The following SGMS1 variants were observed in gnomAD, a reference collection of about 807,000 sequenced individuals.
SGMS1 encodes the protein sphingomyelin synthase 1.
Under a neutral mutation model 46.2 loss-of-function variants are expected in SGMS1, and 13 were observed. That is an observed-to-expected ratio of 0.28 (90% confidence interval 0.18 to 0.45). The LOEUF (loss-of-function observed/expected upper bound fraction) is 0.45, where lower values mean the gene tolerates loss of function less well. Among genes scored for constraint, SGMS1 ranks in the 20% least tolerant of loss-of-function variants. The pLI is 1.00. For missense variants in SGMS1, 324 were observed against 519.9 expected (o/e 0.62, Z 3.66); for synonymous variants, 203 against 187.8 (o/e 1.08, Z -0.66).
At chr10:50,455,861 C>A (rs532408412) in intron 5 of SGMS1, among the ~76,000 whole-genome samples, 37 of 152,296 alleles carry the variant, frequency 2.4e-4, no homozygotes, top group African/African-American at 8.4e-4. Context: ...ATACCTTCCA[C>A]CACTCACTGC....
At chr10:50,571,763 A>G (rs1259303403) in intron 2 of SGMS1, among the ~76,000 whole-genome samples, 1 of 152,092 alleles carries the variant, frequency 6.6e-6, no homozygotes, top group Non-Finnish European at 1.5e-5. Context: ...GAATGTGTAA[A>G]TACACACATA....
At chr10:50,482,632 A>G (rs912660624) in intron 3 of SGMS1, among the ~76,000 whole-genome samples, 1 of 152,216 alleles carries the variant, frequency 6.6e-6, no homozygotes, top group East Asian at 1.9e-4. Flanking sequence ...AAGCAACTAC[A>G]TTAACAAGTC....
At chr10:50,580,112 C>A (rs1018847752) in intron 2 of SGMS1, among the ~76,000 whole-genome samples, 2 of 152,016 alleles carry the variant, frequency 1.3e-5, no homozygotes, top group Non-Finnish European at 2.9e-5. Context: ...TTAAAGTAAT[C>A]AAACTATACT....
At chr10:50,624,387 A>G (rs1268038109), upstream of SGMS1, among the ~76,000 whole-genome samples, 1 of 152,158 alleles carries the variant, frequency 6.6e-6, no homozygotes, top group Non-Finnish European at 1.5e-5. Context: ...AAGGGCTGCG[A>G]CACTTGGGAT....
At position 50,377,326 on chromosome 10, in the gene SGMS1, C is replaced by T. The variant is rs1848535305; in HGVS notation, c.-231-32981G>A. 3.9e-5 allele frequency among the ~76,000 whole-genome samples: 6 copies of T among 152,116 alleles called. No individual in the cohort carries two copies. The South Asian group carries it at 8.3e-4, about 21-fold the overall frequency. On this transcript the variant is annotated intron_variant, in intron 6 of 10. Coordinates refer to ENST00000361781, the MANE Select transcript of SGMS1 (RefSeq NM_147156.4). ...ACCCACTCCCATGATAACCCATTCA[C>T]CCATTAATCTATTAATTAATGAATG...
intron 1 of SGMS1, among the ~76,000 whole-genome samples, chr10:50,608,360 G>A (rs1482330824): frequency 6.6e-6 from 1 of 152,108 alleles, no homozygotes; most frequent in Non-Finnish European, 1.5e-5. Context: ...GAAGGAAAAG[G>A]GTAAGAGAAG....
chr10:50,534,521 G>A (rs1287853907), intron 2 of SGMS1, among the ~76,000 whole-genome samples: 1 of 152,160 alleles, frequency 6.6e-6, no homozygotes, highest in African/African-American at 2.4e-5. Flanking sequence ...TGCCCATGCT[G>A]TTTGACACAG....
chr10:50,308,139 C>A lies in SGMS1; in HGVS notation c.905G>T (p.Arg302Leu), dbSNP rs147939399. ...TYLFIKEYSP[R>L]RLWWYHWICW... ...AATCCAGTGATACCACCAGAGTCGC[C>A]GAGGGGAATCTGAAAGGGGGAGAGA... is the stretch of plus-strand genomic sequence containing the variant. The change falls in exon 10 of 11, where the codon CGG (arginine) becomes CTG (leucine). Residue 302 changes from arginine to leucine, a missense_variant. Transcript: ENST00000361781. 2.4e-5 allele frequency: 38 copies of A among 1,612,722 alleles called. No individual in the cohort carries two copies. The highest frequency in any genetic ancestry group is 3.1e-5 in the Non-Finnish European group (37 of 1,179,456).
intron 6 of SGMS1, among the ~76,000 whole-genome samples, chr10:50,422,640 T>C (rs1490778041): frequency 6.6e-6 from 1 of 152,186 alleles, no homozygotes; most frequent in East Asian, 1.9e-4. Flanking sequence ...AAAGTACCAA[T>C]TCCTCCTTAA....
chr10:50,570,422 A>G (rs992487504), intron 2 of SGMS1, among the ~76,000 whole-genome samples: 1 of 152,232 alleles, frequency 6.6e-6, no homozygotes, highest in Non-Finnish European at 1.5e-5. Flanking sequence ...ATTTTAAAAA[A>G]TAATCTTGAG....
chr10:50,624,805 C>T, upstream of SGMS1: 2 of 986,534 alleles, frequency 2.0e-6, no homozygotes, highest in Middle Eastern at 5.2e-4. Context: ...TGCCCGCCGT[C>T]CCTGGCCGGC....
At chr10:50,357,352 T>G (rs1589404372) in intron 6 of SGMS1, among the ~76,000 whole-genome samples, 1 of 152,170 alleles carries the variant, frequency 6.6e-6, no homozygotes, top group East Asian at 1.9e-4. Flanking sequence ...AATTAGTAAA[T>G]AAATCATTTA....
At chr10:50,514,469 C>T (rs1374308258) in intron 3 of SGMS1, among the ~76,000 whole-genome samples, 7 of 152,138 alleles carry the variant, frequency 4.6e-5, no homozygotes, top group Non-Finnish European at 1.5e-5. Context: ...TCATATGGCT[C>T]TTATGATTAC....
intron 2 of SGMS1, among the ~76,000 whole-genome samples, chr10:50,520,756 C>T (rs528407595): frequency 2.6e-5 from 4 of 152,246 alleles, no homozygotes; most frequent in East Asian, 1.9e-4. Context: ...ACTGACACTG[C>T]GATAGGATTA....
intron 2 of SGMS1, among the ~76,000 whole-genome samples, chr10:50,543,951 A>G (rs1838077724): frequency 6.6e-6 from 1 of 152,252 alleles, no homozygotes; most frequent in Non-Finnish European, 1.5e-5. Flanking sequence ...CCCAGAAGGC[A>G]TTCCTCCAAG....
chr10:50,395,533 C>T (rs1365339899), intron 6 of SGMS1, among the ~76,000 whole-genome samples: 2 of 152,246 alleles, frequency 1.3e-5, no homozygotes, highest in Middle Eastern at 3.4e-3. Flanking sequence ...CTGCTTGTTT[C>T]CATTATTACA....
At chr10:50,568,808 A>C (rs942826578) in intron 2 of SGMS1, among the ~76,000 whole-genome samples, 2 of 152,208 alleles carry the variant, frequency 1.3e-5, no homozygotes, top group Non-Finnish European at 2.9e-5. Context: ...TGTTGAAAAG[A>C]AGCAAGGAAT....
intron 3 of SGMS1, among the ~76,000 whole-genome samples, chr10:50,509,950 G>C (rs1050204921): frequency 3.9e-5 from 6 of 152,132 alleles, no homozygotes; most frequent in Non-Finnish European, 1.5e-5. Context: ...TAAGTGTACA[G>C]TTCAATGAGT....
intron 3 of SGMS1, among the ~76,000 whole-genome samples, chr10:50,500,118 A>G (rs1837649650): frequency 6.6e-6 from 1 of 152,246 alleles, no homozygotes; most frequent in South Asian, 2.1e-4. Context: ...CAGTGAGCCA[A>G]GATTGCACCA....
Sources: gnomAD v4.1 joint callset for allele counts (sites outside exome capture counted in the v4.1 genomes callset) on GRCh38, gnomAD v4.1.1 for gene constraint, MANE v1.5 for transcripts, NCBI Gene and HGNC (gene_info 2026-07-23, HGNC 2026-07-21) for gene names.